The following YWHAG variants were observed in gnomAD, a reference collection of about 807,000 sequenced individuals.
YWHAG encodes the protein 14-3-3 protein gamma.
A neutral mutation model predicts 23.3 loss-of-function variants in YWHAG; 1 was observed. That is an observed-to-expected ratio of 0.04 (90% confidence interval 0.02 to 0.20). YWHAG has a LOEUF of 0.20. Ranked by LOEUF, YWHAG falls within the 10% of genes least tolerant of loss-of-function variation. YWHAG has a pLI of 1.00. For missense variants in YWHAG, 151 were observed against 338.6 expected, an observed-to-expected ratio of 0.45 and a Z score of 4.35; for synonymous variants, 160 against 144.0, an observed-to-expected ratio of 1.11 and a Z score of -0.80.
rs144740188 is a variant in YWHAG, at chr7:76,337,517, C to T, written c.88-7284G>A. ...GGCTTCCTCTGATTTTCATCTCCTG[C>T]GCCTCTTCCCTTTGCTAATTTTTTT... On this transcript the variant is annotated intron_variant, in intron 1 of 1. Transcript: ENST00000307630. Among the ~76,000 whole-genome samples the T allele has an allele frequency of 1.0e-3, 152 of 151,768 alleles. 2 individuals carry two copies. Among genetic ancestry groups the T allele is most frequent in the Admixed American group, 2.9e-3 (44 of 15,192 alleles).
At chr7:76,351,044 A>G (rs1036059630) in intron 1 of YWHAG, among the ~76,000 whole-genome samples, 1 of 152,226 alleles carries the variant, frequency 6.6e-6, no homozygotes, top group Non-Finnish European at 1.5e-5. Context: ...AATGATGTCA[A>G]GTGAAAAAAG....
At chr7:76,344,093 A>G (rs542227844) in intron 1 of YWHAG, among the ~76,000 whole-genome samples, 25 of 152,284 alleles carry the variant, frequency 1.6e-4, no homozygotes, top group Admixed American at 5.2e-4. Flanking sequence ...ATCAGGGTAC[A>G]GGACTTTAAG....
At chr7:76,356,812 G>A (rs1803968409) in intron 1 of YWHAG, among the ~76,000 whole-genome samples, 1 of 152,200 alleles carries the variant, frequency 6.6e-6, no homozygotes, top group Non-Finnish European at 1.5e-5. Flanking sequence ...ATGTCTAAGG[G>A]TAAATGATAT....
chr7:76,339,859 C>T lies in YWHAG; in HGVS notation c.88-9626G>A, dbSNP rs558204568. ...ATCCCAGCACTCTGGAAGGCCAAGG[C>T]GGGTGAATTGCCTGAGCTCAGGAGT... is the stretch of plus-strand genomic sequence containing the variant. On this transcript the variant is annotated intron_variant, in intron 1 of 1. Coordinates refer to ENST00000307630, the MANE Select transcript of YWHAG (RefSeq NM_012479.4). 4.6e-5 allele frequency among the ~76,000 whole-genome samples: 7 copies of T among 152,230 alleles called. No homozygotes were observed. The South Asian group carries it at 1.5e-3, about 32-fold the overall frequency.
chr7:76,350,563 G>A (rs1328694636), intron 1 of YWHAG, among the ~76,000 whole-genome samples: 2 of 152,212 alleles, frequency 1.3e-5, no homozygotes, highest in Non-Finnish European at 2.9e-5. Flanking sequence ...TCAGGTTAAG[G>A]TCAGGCGCAG....
At chr7:76,350,598 C>T (rs548823556) in intron 1 of YWHAG, among the ~76,000 whole-genome samples, 3 of 152,332 alleles carry the variant, frequency 2.0e-5, no homozygotes, top group South Asian at 2.1e-4. Context: ...AACCCCAGCA[C>T]TTCCAGAGGC....
intron 1 of YWHAG, among the ~76,000 whole-genome samples, chr7:76,333,433 A>C (rs1263892559): frequency 2.0e-5 from 3 of 152,230 alleles, no homozygotes; most frequent in African/African-American, 7.2e-5. Context: ...AATGCTACAG[A>C]AACATGAGGA....
chr7:76,346,668 T>A (rs1388945202), intron 1 of YWHAG, among the ~76,000 whole-genome samples: 2 of 152,126 alleles, frequency 1.3e-5, no homozygotes, highest in African/African-American at 4.8e-5. Flanking sequence ...GCCGTTCTTG[T>A]CCAGGTCCCT....
intron 1 of YWHAG, among the ~76,000 whole-genome samples, chr7:76,356,187 T>C (rs2115660325): frequency 6.6e-6 from 1 of 152,334 alleles, no homozygotes; most frequent in East Asian, 1.9e-4. Flanking sequence ...AGTTTCCAAA[T>C]TCTCCACGAT....
intron 1 of YWHAG, among the ~76,000 whole-genome samples, chr7:76,349,828 T>G (rs1019483732): frequency 6.6e-6 from 1 of 152,128 alleles, no homozygotes; most frequent in Non-Finnish European, 1.5e-5. Flanking sequence ...ACCTGGTCTC[T>G]ATTAAAAATG....
rs1359625265 is a variant in YWHAG at position 76,329,375 on chromosome 7, T to C, written c.*202A>G. The C allele has an allele frequency of 2.5e-5, 16 of 634,690 alleles. No individual in the cohort carries two copies. Among genetic ancestry groups the C allele is most frequent in the Non-Finnish European group, 4.0e-5 (15 of 374,244 alleles). 39.3% of individuals were successfully genotyped at this position (634,690 alleles called of 1,614,324 possible). On this transcript the variant is annotated 3_prime_UTR_variant, in exon 2 of 2. Coordinates refer to ENST00000307630, the MANE Select transcript of YWHAG (RefSeq NM_012479.4). This position sits in a 1 kb window ranked among gnomAD's most constrained non-coding sequence, Gnocchi z 6.1. ...CGCCAGTGTGAGGCTGCTATTCCAA[T>C]ACCAGCACAGCTAGCCTGACTTTCC...
At chr7:76,356,072 G>A (rs972852777) in intron 1 of YWHAG, among the ~76,000 whole-genome samples, 1 of 152,144 alleles carries the variant, frequency 6.6e-6, no homozygotes, top group Non-Finnish European at 1.5e-5. Context: ...TTAGCACTAG[G>A]ATAATTTCAT....
chr7:76,352,234 C>T (rs747871925), intron 1 of YWHAG, among the ~76,000 whole-genome samples: 8 of 152,146 alleles, frequency 5.3e-5, no homozygotes, highest in Non-Finnish European at 1.0e-4. Context: ...ATGAGTAATT[C>T]CTTTCAGACA....
Position 76,327,574 on chromosome 7 carries a change from G to A in YWHAG, c.*2003C>T, listed in dbSNP as rs920654711. 3 of 149,346 alleles carry A rather than the reference G, an allele frequency of 2.0e-5. No individual in the cohort carries two copies. Among genetic ancestry groups the A allele is most frequent in the African/African-American group, 7.5e-5 (3 of 40,000 alleles). The allele number at this position is 149,346 out of a possible 1,614,324, so 9.3% of individuals were successfully genotyped here. ...GAAATTTAAAGGAAAAATAGGTTTT[G>A]TAATTCCAGTAAATCATTTCCAAAT... is the stretch of plus-strand genomic sequence containing the variant. On this transcript the variant is annotated 3_prime_UTR_variant, in exon 2 of 2. Coordinates refer to ENST00000307630, the MANE Select transcript of YWHAG (RefSeq NM_012479.4).
chr7:76,342,557 G>C (rs548508277), intron 1 of YWHAG, among the ~76,000 whole-genome samples: 1 of 152,222 alleles, frequency 6.6e-6, no homozygotes, highest in Non-Finnish European at 1.5e-5. Context: ...TTGGGGGCCA[G>C]AATGCATTTT....
intron 1 of YWHAG, among the ~76,000 whole-genome samples, chr7:76,343,798 C>G (rs147787064): frequency 1.3e-5 from 2 of 152,266 alleles, no homozygotes; most frequent in East Asian, 3.9e-4. Flanking sequence ...TCCACCACCA[C>G]GTGAAGAAGC....
Position 76,353,647 on chromosome 7 carries a change from A to G in YWHAG, c.87+5075T>C, listed in dbSNP as rs139530072. On this transcript the variant is annotated intron_variant, in intron 1 of 1. Transcript: ENST00000307630. ...AGTAAAATAATATGTTTTGGTAGTT[A>G]ATCAAAATGATAGCTGACACCTAAA... is the stretch of plus-strand genomic sequence containing the variant. Among the ~76,000 whole-genome samples the G allele has an allele frequency of 2.0e-5, 3 of 152,398 alleles. No individual in the cohort carries two copies. The East Asian group carries it at 5.8e-4, about 29-fold the overall frequency.
At chr7:76,341,144 G>C (rs549753362) in intron 1 of YWHAG, among the ~76,000 whole-genome samples, 1 of 152,308 alleles carries the variant, frequency 6.6e-6, no homozygotes, top group Non-Finnish European at 1.5e-5. Context: ...TGTAATCCCA[G>C]CACTTTAGGA....
Position 76,329,752 on chromosome 7 carries a change from G to A in YWHAG, c.569C>T (p.Pro190Leu). 6.2e-7 allele frequency: 1 copy of A among 1,614,140 alleles called. No individual in the cohort carries two copies. The highest frequency in any genetic ancestry group is 8.5e-7 in the Non-Finnish European group (1 of 1,180,032). Residue 190 changes from proline (P) to leucine (L), a missense_variant, in exon 2 of 2, where the codon CCA becomes CTA. Transcript: ENST00000307630. The surrounding 1 kb of genome is among the most constrained non-coding windows in gnomAD (Gnocchi z 6.1). ...CTTGGCCAAGTGGCACGCTTGCTCT[G>A]GGGCGTTCTGGATCTCATAGTAGAA... is the stretch of plus-strand genomic sequence containing the variant. ...SVFYYEIQNA[P>L]EQACHLAKTA...
Sources: allele counts gnomAD v4.1 joint callset (sites outside exome capture counted in the v4.1 genomes callset), GRCh38; gene constraint gnomAD v4.1.1; non-coding constraint Gnocchi (gnomAD v3.1); transcripts MANE v1.5; gene names NCBI Gene and HGNC (gene_info 2026-07-23, HGNC 2026-07-21).